The following NCAM1 variants were observed in gnomAD, a reference collection of about 807,000 sequenced individuals.
NCAM1 encodes antigen recognized by monoclonal antibody 5.1H11.
A neutral mutation model predicts 109.8 loss-of-function variants in NCAM1; 14 were observed. The ratio of observed to expected loss-of-function variants is 0.13; its 90% confidence interval spans 0.08 to 0.20. The LOEUF (loss-of-function observed/expected upper bound fraction) is 0.20. Among genes scored for constraint, NCAM1 ranks in the 10% least tolerant of loss-of-function variants. The probability of loss-of-function intolerance (pLI) is 1.00; values close to 1 mark genes in which losing one functional copy is unlikely to be tolerated. For missense variants in NCAM1, 774 were observed against 1,109.9 expected, an observed-to-expected ratio of 0.70 and a Z score of 4.30; for synonymous variants, 418 against 442.9, an observed-to-expected ratio of 0.94 and a Z score of 0.70.
Position 113,165,986 on chromosome 11 carries a change from A to G in NCAM1, c.53-36393A>G, listed in dbSNP as rs1423619163. 2.1e-5 allele frequency among the ~76,000 whole-genome samples: 3 copies of G among 145,008 alleles called. No homozygotes were observed. The South Asian group carries it at 6.4e-4, about 31-fold the overall frequency. ...AGGCGCCTACCACCATGCCCGGCTA[A>G]TTTTTTTTTTATTTTTACTTATTTT... On this transcript the variant is annotated intron_variant, in intron 1 of 19. Transcript: ENST00000316851.
chr11:113,064,266 G>A (rs1212293432), intron 1 of NCAM1, among the ~76,000 whole-genome samples: 1 of 152,102 alleles, frequency 6.6e-6, no homozygotes, highest in Non-Finnish European at 1.5e-5. Flanking sequence ...CCTTGAAATG[G>A]GTCATGAGAC....
At chr11:113,242,691 A>T in intron 14 of NCAM1, 1 of 878,996 alleles carries the variant, frequency 1.1e-6, no homozygotes, top group Non-Finnish European at 1.9e-6. Flanking sequence ...TGATGCCTAC[A>T]TATGTATAAT....
intron 1 of NCAM1, among the ~76,000 whole-genome samples, chr11:113,025,656 T>G (rs1209130661): frequency 2.0e-5 from 3 of 151,276 alleles, no homozygotes; most frequent in African/African-American, 7.3e-5. Context: ...AGGCAGAGGC[T>G]GCAGTGAGCC....
chr11:113,020,815 G>A (rs371252398), intron 1 of NCAM1, among the ~76,000 whole-genome samples: 1 of 152,178 alleles, frequency 6.6e-6, no homozygotes, highest in East Asian at 1.9e-4. Context: ...GAGTGCAGTG[G>A]CGTGATTTCG....
intron 1 of NCAM1, among the ~76,000 whole-genome samples, chr11:113,104,007 C>G (rs962271452): frequency 7.2e-5 from 11 of 152,022 alleles, no homozygotes; most frequent in African/African-American, 2.7e-4. Flanking sequence ...GCAGATTCAG[C>G]TGGGAAACCC....
At chr11:113,205,708 A>T (rs1555112743) in intron 4 of NCAM1, 42 bp downstream of exon 4, 3 of 1,595,304 alleles carry the variant, frequency 1.9e-6, no homozygotes. Flanking sequence ...TCCCCAGGCC[A>T]CCAAGTTCCC....
intron 15 of NCAM1, among the ~76,000 whole-genome samples, chr11:113,249,490 G>A (rs3781878): frequency 0.24 from 37,178 of 151,990 alleles, 4,817 homozygotes; most frequent in Middle Eastern, 0.3. Flanking sequence ...GTTCCCTTAG[G>A]GTCACCAGTA....
chr11:113,254,394 G>C (rs562727507), intron 15 of NCAM1, among the ~76,000 whole-genome samples: 1 of 152,288 alleles, frequency 6.6e-6, no homozygotes, highest in African/African-American at 2.4e-5. Flanking sequence ...CCTTGTTGCA[G>C]CTTTTAATCT....
intron 1 of NCAM1, 149 bp downstream of exon 1, chr11:112,961,813 T>G: frequency 1.6e-6 from 1 of 643,292 alleles, no homozygotes; most frequent in Non-Finnish European, 2.7e-6. Context: ...CGCGTCGCCC[T>G]TGCTGCCCAG....
rs1464713574 is a variant in NCAM1 at position 113,276,708 on chromosome 11, T to C, written c.*1321T>C. ...GAAGTAAAGTAACATCGGCCTTCTGTTCACTTAGGCAGCATTTATAGAAAC... is the reference window on the plus strand; with the variant it reads ...GAAGTAAAGTAACATCGGCCTTCTGCTCACTTAGGCAGCATTTATAGAAAC... On this transcript the variant is annotated 3_prime_UTR_variant, in exon 20 of 20. Transcript: ENST00000316851. 1 of 152,440 alleles carries C rather than the reference T, an allele frequency of 6.6e-6. No individual in the cohort carries two copies. Among genetic ancestry groups the C allele is most frequent in the African/African-American group, 2.4e-5 (1 of 41,362 alleles). The allele number at this position is 152,440 out of a possible 1,614,324, so 9.4% of individuals were successfully genotyped here. A position where few individuals can be genotyped will look rare whatever the true frequency, so the allele number is the denominator to read the frequency against.
intron 1 of NCAM1, among the ~76,000 whole-genome samples, chr11:113,052,991 C>T (rs1555082023): frequency 6.6e-6 from 1 of 152,130 alleles, no homozygotes; most frequent in East Asian, 1.9e-4. Flanking sequence ...CCTAGGGCTC[C>T]CCTGCCACAA....
chr11:113,055,519 C>A (rs894834030), intron 1 of NCAM1, among the ~76,000 whole-genome samples: 15 of 152,144 alleles, frequency 9.9e-5, no homozygotes, highest in Admixed American at 7.2e-4. Context: ...GTAATATTTG[C>A]ACAGAAACAT....
At position 113,273,467 on chromosome 11, in the gene NCAM1, G is replaced by A. The variant is rs1446745941; in HGVS notation, c.2456+1591G>A. Reference sequence around the variant, plus strand: ...CTCCCAGCACCAAAGGCCCGGACCCGGAGCCCACCCAGCCCGGAGCCGCGA... The same window carrying A: ...CTCCCAGCACCAAAGGCCCGGACCCAGAGCCCACCCAGCCCGGAGCCGCGA... On this transcript the variant is annotated intron_variant, in intron 19 of 19. Transcript: ENST00000316851. The surrounding 1 kb of genome is among the most constrained non-coding windows in gnomAD (Gnocchi z 6.0). The A allele has an allele frequency of 2.4e-5, 8 of 332,898 alleles. No individual in the cohort carries two copies. Among genetic ancestry groups the A allele is most frequent in the Admixed American group, 8.0e-5 (2 of 25,048 alleles). The allele number at this position is 332,898 out of a possible 1,614,324, so 20.6% of individuals were successfully genotyped here.
At chr11:113,184,557 A>G (rs1591395437) in intron 1 of NCAM1, among the ~76,000 whole-genome samples, 1 of 152,218 alleles carries the variant, frequency 6.6e-6, no homozygotes, top group Admixed American at 6.5e-5. Flanking sequence ...TTAGGAAGGC[A>G]GTGTCTGATG....
At chr11:113,210,795 CACACA>C (rs1944366826) in intron 7 of NCAM1, among the ~76,000 whole-genome samples, 1 of 149,948 alleles carries the variant, frequency 6.7e-6, no homozygotes, top group Admixed American at 6.6e-5. Context: ...CACACACACA[CACACA>C]CACACACACA....
intron 1 of NCAM1, among the ~76,000 whole-genome samples, chr11:113,103,363 T>C (rs2135883829): frequency 6.6e-6 from 1 of 152,366 alleles, no homozygotes; most frequent in South Asian, 2.1e-4. Context: ...TTCCTTTTCC[T>C]TTTTGTAGAT....
At chr11:113,244,366 G>T (rs1193978838) in intron 14 of NCAM1, among the ~76,000 whole-genome samples, 7 of 152,168 alleles carry the variant, frequency 4.6e-5, no homozygotes, top group Non-Finnish European at 8.8e-5. Context: ...ATGCTTAGTT[G>T]TGACATCCAA....
rs540353313 is a variant in NCAM1, at chr11:113,172,607, A to G, written c.53-29772A>G. ...TTTTGTTTAATTATGTTGGAGACAG[A>G]CTGGCATTTTAGCTGTTACAGTCTG... On this transcript the variant is annotated intron_variant, in intron 1 of 19. Coordinates refer to ENST00000316851, the MANE Select transcript of NCAM1 (RefSeq NM_181351.5). Among the ~76,000 whole-genome samples, 3 of 152,348 alleles carry G rather than the reference A, an allele frequency of 2.0e-5. No individual in the cohort carries two copies. The South Asian group carries it at 6.2e-4, about 32-fold the overall frequency.
At chr11:113,155,419 G>C (rs1942372579) in intron 1 of NCAM1, among the ~76,000 whole-genome samples, 1 of 151,818 alleles carries the variant, frequency 6.6e-6, no homozygotes, top group African/African-American at 2.4e-5. Flanking sequence ...TGAGACAGGA[G>C]AATCACTTGA....
Sources: gnomAD v4.1 joint callset for allele counts (sites outside exome capture counted in the v4.1 genomes callset) on GRCh38, gnomAD v4.1.1 for gene constraint, Gnocchi (gnomAD v3.1) non-coding constraint, MANE v1.5 for transcripts, NCBI Gene and HGNC (gene_info 2026-07-23, HGNC 2026-07-21) for gene names.